DDAH1: variants seen among roughly 807,000 people sequenced by gnomAD.
DDAH1 encodes the protein N(G),N(G)-dimethylarginine dimethylaminohydrolase 1.
DDAH1 carries 19 observed loss-of-function variants against 28.8 expected under a neutral mutation model. That is an observed-to-expected ratio of 0.66 (90% CI 0.46 to 0.97). DDAH1 has a LOEUF of 0.97. DDAH1 is among the 50% of genes least tolerant of loss of function. The pLI, the probability that DDAH1 is intolerant of heterozygous loss-of-function variation, is 0.00. For synonymous variants in DDAH1, 153 were observed against 154.4 expected (o/e 0.99, Z 0.07); for missense variants, 326 against 375.9 (o/e 0.87, Z 1.10).
chr1:85,335,215 G>C (rs897742021), intron 4 of DDAH1, among the ~76,000 whole-genome samples: 1 of 151,984 alleles, frequency 6.6e-6, no homozygotes, highest in Non-Finnish European at 1.5e-5. Context: ...AAGAACAAAG[G>C]ATATATAAAA....
At chr1:85,448,653 G>T (rs973691307) in intron 1 of DDAH1, among the ~76,000 whole-genome samples, 2 of 152,122 alleles carry the variant, frequency 1.3e-5, no homozygotes, top group Admixed American at 6.5e-5. Flanking sequence ...TTCTGCCAAA[G>T]GATCTGCATC....
intron 1 of DDAH1, among the ~76,000 whole-genome samples, chr1:85,407,835 C>A (rs1454896029): frequency 6.6e-6 from 1 of 152,082 alleles, no homozygotes; most frequent in Non-Finnish European, 1.5e-5. Flanking sequence ...TTATATATAC[C>A]AGGACATCCT....
intron 1 of DDAH1, among the ~76,000 whole-genome samples, chr1:85,360,046 T>C (rs1426808223): frequency 6.6e-6 from 1 of 152,190 alleles, no homozygotes; most frequent in Non-Finnish European, 1.5e-5. Flanking sequence ...CACATCACAC[T>C]GGGCAAAGCA....
chr1:85,331,622 A>G (rs1393901430), intron 4 of DDAH1, among the ~76,000 whole-genome samples: 5 of 152,204 alleles, frequency 3.3e-5, no homozygotes, highest in African/African-American at 9.7e-5. Flanking sequence ...ACCAGCATCA[A>G]GCCCTGGAGG....
rs191740209 is a variant in DDAH1, at chr1:85,513,594, T to A, written c.-122-17313A>T. On this transcript the variant is annotated intron_variant, in intron 1 of 6. Coordinates refer to the DDAH1 transcript ENST00000426972. ...ACAGAGTGGGAGAAAAAGTTTGCAA[T>A]CTAGTCATCTGACAAAGGGCTAATA... 1.2e-3 allele frequency among the ~76,000 whole-genome samples: 186 copies of A among 152,170 alleles called. 2 individuals carry two copies. The highest frequency in any genetic ancestry group is 4.3e-3 in the African/African-American group (177 of 41,502).
At chr1:85,524,242 T>C (rs1326047272) in intron 1 of DDAH1, among the ~76,000 whole-genome samples, 1 of 148,870 alleles carries the variant, frequency 6.7e-6, no homozygotes, top group African/African-American at 2.5e-5. Context: ...AACACTTCTT[T>C]ACACAGGCTC....
chr1:85,428,344 G>A (rs1146374), intron 1 of DDAH1, among the ~76,000 whole-genome samples: 116,871 of 152,076 alleles, frequency 0.77, 45,224 homozygotes, highest in Middle Eastern at 0.85. Context: ...GCAAAGAAAA[G>A]GCAAAGTCAT....
At chr1:85,421,521 G>A (rs544671114) in intron 1 of DDAH1, among the ~76,000 whole-genome samples, 35 of 152,046 alleles carry the variant, frequency 2.3e-4, no homozygotes, top group African/African-American at 8.4e-4. Context: ...AAGTTAATGG[G>A]TTTTGACAAA....
intron 1 of DDAH1, among the ~76,000 whole-genome samples, chr1:85,395,406 C>G (rs890900529): frequency 2.0e-5 from 3 of 152,202 alleles, no homozygotes; most frequent in African/African-American, 4.8e-5. Flanking sequence ...GGCGCAGTGG[C>G]TCATGCCTGT....
intron 2 of DDAH1, among the ~76,000 whole-genome samples, chr1:85,483,739 G>T (rs373183088): frequency 6.6e-6 from 1 of 152,222 alleles, no homozygotes; most frequent in African/African-American, 2.4e-5. Context: ...TGCAGACCAC[G>T]GATCGCGGAC....
intron 1 of DDAH1, among the ~76,000 whole-genome samples, chr1:85,451,011 G>A (rs1361043554): frequency 6.6e-6 from 1 of 152,190 alleles, no homozygotes; most frequent in African/African-American, 2.4e-5. Context: ...ACCATGAGCT[G>A]GAGAGAGGCC....
chr1:85,387,452 C>T (rs1284783460), intron 1 of DDAH1, among the ~76,000 whole-genome samples: 1 of 152,192 alleles, frequency 6.6e-6, no homozygotes, highest in Non-Finnish European at 1.5e-5. Flanking sequence ...ATCCCTAGGA[C>T]ATGGACACAA....
upstream of DDAH1, among the ~76,000 whole-genome samples, chr1:85,469,189 A>G (rs531419042): frequency 6.6e-6 from 1 of 152,338 alleles, no homozygotes; most frequent in Non-Finnish European, 1.5e-5. Flanking sequence ...GCCCAGAAAG[A>G]AAAGAAAACA....
chr1:85,403,983 A>G (rs1652278690), intron 1 of DDAH1, among the ~76,000 whole-genome samples: 1 of 152,242 alleles, frequency 6.6e-6, no homozygotes, highest in South Asian at 2.1e-4. Flanking sequence ...ATTGCTGACA[A>G]TAAACACATT....
chr1:85,445,920 C>T (rs564604308), intron 1 of DDAH1, among the ~76,000 whole-genome samples: 1 of 152,234 alleles, frequency 6.6e-6, no homozygotes, highest in Admixed American at 6.5e-5. Context: ...ATTTTAAAGC[C>T]AAATGAAGCA....
chr1:85,447,061 C>G (rs936081394), intron 1 of DDAH1, among the ~76,000 whole-genome samples: 2 of 152,204 alleles, frequency 1.3e-5, no homozygotes, highest in African/African-American at 4.8e-5. Context: ...GGCACTCTTT[C>G]TTTCATGACA....
chr1:85,436,362 C>T (rs593728), intron 1 of DDAH1, among the ~76,000 whole-genome samples: 140,382 of 152,236 alleles, frequency 0.92, 64,792 homozygotes, highest in Middle Eastern at 0.98. Context: ...TTTAAAGCTA[C>T]ATGTGAATTC....
chr1:85,464,906 T>C lies in DDAH1; in HGVS notation c.140A>G (p.His47Arg). ...EVDVARAERQ[H>R]QLYVGVLGSK... ...GCCCAGCACGCCCACGTAGAGCTGGTGCTGCCGTTCCGCGCGGGCGACGTC... is the reference window on the plus strand; with the variant it reads ...GCCCAGCACGCCCACGTAGAGCTGGCGCTGCCGTTCCGCGCGGGCGACGTC... The change falls in exon 1 of 6, where the codon CAC becomes CGC. Residue 47 changes from histidine (H) to arginine (R), a missense_variant. His to Arg is a conservative substitution (Grantham distance 29, BLOSUM62 0). Transcript: ENST00000284031. The surrounding 1 kb of genome is among the most constrained non-coding windows in gnomAD (Gnocchi z 4.4). 1 of 1,564,738 alleles carries C rather than the reference T, an allele frequency of 6.4e-7. No homozygotes were observed. Among genetic ancestry groups the C allele is most frequent in the Non-Finnish European group, 8.6e-7 (1 of 1,166,264 alleles).
chr1:85,560,742 G>A (rs1372464731), intron 1 of DDAH1, among the ~76,000 whole-genome samples: 2 of 151,982 alleles, frequency 1.3e-5, no homozygotes, highest in Non-Finnish European at 2.9e-5. Flanking sequence ...GAGAAACTAA[G>A]TATCAATTCT....
Sources: allele counts gnomAD v4.1 joint callset (sites outside exome capture counted in the v4.1 genomes callset), GRCh38; gene constraint gnomAD v4.1.1; non-coding constraint Gnocchi (gnomAD v3.1); transcripts MANE v1.5; gene names NCBI Gene and HGNC (gene_info 2026-07-23, HGNC 2026-07-21).